Variants in TNPO2 observed in about 807,000 individuals in gnomAD.
TNPO2 encodes transportin-2.
Under a neutral mutation model 111.1 loss-of-function variants are expected in TNPO2, and 16 were observed. That is an observed-to-expected ratio of 0.14 (90% CI 0.10 to 0.22). The LOEUF (loss-of-function observed/expected upper bound fraction) is 0.22, where lower values mean the gene tolerates loss of function less well. TNPO2 is among the 10% of genes least tolerant of loss of function. The pLI is 1.00. For missense variants in TNPO2, 530 were observed against 1,173.7 expected, an observed-to-expected ratio of 0.45 and a Z score of 8.01; for synonymous variants, 481 against 475.8, an observed-to-expected ratio of 1.01 and a Z score of -0.14.
chr19:12,723,497 T>C (rs1400646027), intron 1 of TNPO2, 132 bp from the exon 2 acceptor site: 1 of 152,040 alleles, frequency 6.6e-6, no homozygotes, highest in Non-Finnish European at 1.5e-5. Flanking sequence ...GTCAAATGGG[T>C]ATAAGAGCAG....
chr19:12,702,998 C>A lies in TNPO2; in HGVS notation c.2210-80G>T. On this transcript the variant is annotated intron_variant, in intron 20 of 25. Transcript: ENST00000425528. The surrounding 1 kb of genome is among the most constrained non-coding windows in gnomAD (Gnocchi z 5.5). ...GGGGGCCGCCCCACCTCACTCACTA[C>A]TCGCCCCAGTTCCAACTAGAGACTG... The A allele has an allele frequency of 7.8e-7, 1 of 1,287,706 alleles. No homozygotes were observed. Among genetic ancestry groups the A allele is most frequent in the Non-Finnish European group, 1.1e-6 (1 of 898,632 alleles). The allele number at this position is 1,287,706 out of a possible 1,614,324, so 79.8% of individuals were successfully genotyped here.
intron 12 of TNPO2, 62 bp downstream of exon 12, chr19:12,711,234 A>G (rs1599418879): frequency 4.5e-6 from 7 of 1,571,356 alleles, no homozygotes; most frequent in Non-Finnish European, 6.0e-6. Context: ...GCTTCTAGTC[A>G]CCTCCCAAGA....
At position 12,711,289 on chromosome 19, in the gene TNPO2, C is replaced by T; in HGVS notation, c.1117+7G>A. The T allele has an allele frequency of 1.2e-6, 2 of 1,611,476 alleles. No homozygotes were observed. The highest frequency in any genetic ancestry group is 1.7e-6 in the Non-Finnish European group (2 of 1,178,370). On this transcript the variant is annotated splice_region_variant and intron_variant, in intron 12 of 25. Transcript: ENST00000425528. ...CCCCACCACCACCCCCAGGCAGGGG[C>T]ACACACTCAAATTCCAGTCGGACAG... is the stretch of plus-strand genomic sequence containing the variant.
rs748370173 is a variant in TNPO2 at position 12,720,897 on chromosome 19, A to G, written c.81T>C (p.Thr27=). The change falls in exon 3 of 26, where the codon ACT becomes ACC. Residue 27 remains threonine (T), a synonymous_variant. Coordinates refer to ENST00000425528, the MANE Select transcript of TNPO2 (RefSeq NM_001382241.1). ...AGGATACATCCTGCACGATGCGCTGAGTGGCTGTGTTGGGCGACTGTGAGT... is the reference window on the plus strand; with the variant it reads ...AGGATACATCCTGCACGATGCGCTGGGTGGCTGTGTTGGGCGACTGTGAGT... The part of the protein sequence containing the change: ...LKDSQSPNTA[T]QRIVQDKLKQ... 6.2e-7 allele frequency: 1 copy of G among 1,604,430 alleles called. No homozygotes were observed. Among genetic ancestry groups the G allele is most frequent in the East Asian group, 2.2e-5 (1 of 44,580 alleles).
At position 12,702,487 on chromosome 19, in the gene TNPO2, C is replaced by A; in HGVS notation, c.2306-310G>T. The A allele has an allele frequency of 1.8e-6, 1 of 561,170 alleles. No homozygotes were observed. The highest frequency in any genetic ancestry group is 3.2e-6 in the Non-Finnish European group (1 of 309,670). 34.8% of individuals were successfully genotyped at this position (561,170 alleles called of 1,614,324 possible). A position where few individuals can be genotyped will look rare whatever the true frequency, so the allele number is the denominator to read the frequency against. On this transcript the variant is annotated intron_variant, in intron 21 of 25. Coordinates refer to ENST00000425528, the MANE Select transcript of TNPO2 (RefSeq NM_001382241.1). The surrounding 1 kb of genome is among the most constrained non-coding windows in gnomAD (Gnocchi z 5.5). ...TTGGCTCATTGCAACCTGCCTCAGC[C>A]TCCCGAGTAGCTGGGATTGCAGGCA...
intron 10 of TNPO2, 31 bp downstream of exon 10, chr19:12,714,790 G>A (rs1181337284): frequency 1.3e-6 from 2 of 1,583,748 alleles, no homozygotes; most frequent in African/African-American, 2.7e-5. Context: ...GTCGAAGCTG[G>A]GGTAGGACAG....
In TNPO2 at chr19:12,706,612, C is replaced by T; in HGVS notation, c.1454G>A (p.Arg485His). The change falls in exon 14 of 26, where the codon CGC becomes CAC. Residue 485 changes from arginine to histidine, a missense_variant. Transcript: ENST00000425528. This position sits in a 1 kb window ranked among gnomAD's most constrained non-coding sequence, Gnocchi z 7.0. ...TACCCTCTTGTTGCCATCCAGGATGCGTTTGAGCAGCTCTGTCATCAGGGG... is the reference window on the plus strand; with the variant it reads ...TACCCTCTTGTTGCCATCCAGGATGTGTTTGAGCAGCTCTGTCATCAGGGG... ...LKPLMTELLK[R>H]ILDGNKRVQE... 6.2e-7 allele frequency: 1 copy of T among 1,614,064 alleles called. No homozygotes were observed. Among genetic ancestry groups the T allele is most frequent in the East Asian group, 2.2e-5 (1 of 44,884 alleles).
chr19:12,722,383 A>C (rs2145638965), intron 2 of TNPO2: 2 of 148,122 alleles, frequency 1.4e-5, no homozygotes, highest in East Asian at 2.0e-4. Context: ...CGCGGCCCCG[A>C]CGCCCGGGCC....
chr19:12,721,734 C>T lies in TNPO2; in HGVS notation c.-13-744G>A, dbSNP rs758706969. 1 of 165,904 alleles carries T rather than the reference C, an allele frequency of 6.0e-6. No individual in the cohort carries two copies. Among genetic ancestry groups the T allele is most frequent in the South Asian group, 1.2e-4 (1 of 8,572 alleles). The allele number at this position is 165,904 out of a possible 1,614,324, so 10.3% of individuals were successfully genotyped here. On this transcript the variant is annotated intron_variant, in intron 2 of 25. Transcript: ENST00000425528. This position sits in a 1 kb window ranked among gnomAD's most constrained non-coding sequence, Gnocchi z 4.9. ...CCCGGCCAACCCACTATAGGAGCCC[C>T]CTGGACCGATCCCAGTCGCCTTCCC... is the stretch of plus-strand genomic sequence containing the variant.
intron 1 of TNPO2, 185 bp downstream of exon 1, chr19:12,723,584 C>T (rs1967149104): frequency 6.6e-6 from 1 of 152,206 alleles, no homozygotes; most frequent in South Asian, 2.1e-4. Context: ...GTGGCTTTAC[C>T]CTCCAAGGCT....
rs2026027790 is a variant in TNPO2, at chr19:12,711,281, G to A, written c.1117+15C>T. 1.6e-5 allele frequency: 26 copies of A among 1,609,450 alleles called. No individual in the cohort carries two copies. The highest frequency in any genetic ancestry group is 2.1e-5 in the Non-Finnish European group (25 of 1,177,116). On this transcript the variant is annotated intron_variant, in intron 12 of 25. Transcript: ENST00000425528. ...GCTTGCCACCCCACCACCACCCCCA[G>A]GCAGGGGCACACACTCAAATTCCAG...
Position 12,705,439 on chromosome 19 carries a change from G to A in TNPO2, c.1864-41C>T. 1 of 1,575,272 alleles carries A rather than the reference G, an allele frequency of 6.3e-7. No individual in the cohort carries two copies. Among genetic ancestry groups the A allele is most frequent in the Non-Finnish European group, 8.6e-7 (1 of 1,160,386 alleles). ...GACAGGGGCACGGGTAAGTGGAGCA[G>A]GCCCGAGGCAGGCCAATGCAGAAGC... On this transcript the variant is annotated intron_variant, in intron 17 of 25. Transcript: ENST00000425528. The surrounding 1 kb of genome is among the most constrained non-coding windows in gnomAD (Gnocchi z 7.2).
At chr19:12,709,058 A>G (rs1008059121) in intron 13 of TNPO2, among the ~76,000 whole-genome samples, 9 of 150,486 alleles carry the variant, frequency 6.0e-5, no homozygotes, top group African/African-American at 2.2e-4. Context: ...AAGAAAAAAA[A>G]AAGAGGCCAG....
At chr19:12,703,035 C>G in intron 20 of TNPO2, 117 bp from the exon 21 acceptor site, 1 of 872,688 alleles carries the variant, frequency 1.1e-6, no homozygotes, top group Non-Finnish European at 1.8e-6. Flanking sequence ...CCAACCACTA[C>G]CAGTGAGGAA....
At chr19:12,708,021 C>T (rs2025802198) in intron 13 of TNPO2, among the ~76,000 whole-genome samples, 1 of 152,050 alleles carries the variant, frequency 6.6e-6, no homozygotes, top group Non-Finnish European at 1.5e-5. Context: ...GAAGTTTCAC[C>T]GTGTTAGCCA....
chr19:12,708,953 T>C (rs1400427143), intron 13 of TNPO2, among the ~76,000 whole-genome samples: 1 of 151,222 alleles, frequency 6.6e-6, no homozygotes, highest in Non-Finnish European at 1.5e-5. Context: ...GAGAATTGCT[T>C]GAACCCGGGA....
rs145158004 is a variant in TNPO2, at chr19:12,719,235, C to G, written c.175+26G>C. 1 of 1,613,768 alleles carries G rather than the reference C, an allele frequency of 6.2e-7. No individual in the cohort carries two copies. The highest frequency in any genetic ancestry group is 8.5e-7 in the Non-Finnish European group (1 of 1,179,840). On this transcript the variant is annotated intron_variant, in intron 4 of 25. Coordinates refer to ENST00000425528, the MANE Select transcript of TNPO2 (RefSeq NM_001382241.1). This position sits in a 1 kb window ranked among gnomAD's most constrained non-coding sequence, Gnocchi z 5.0. ...CAGGGGGAGAAAGCAGGGTCCCGAT[C>G]GCATGGAAGGGAGCAGAGGGCGTAC...
Position 12,715,362 on chromosome 19 carries a change from C to CCCACT in TNPO2, c.566+38_567-39dup. 1 of 1,613,866 alleles carries CCCACT rather than the reference C, an allele frequency of 6.2e-7. No individual in the cohort carries two copies. Among genetic ancestry groups the CCCACT allele is most frequent in the Non-Finnish European group, 8.5e-7 (1 of 1,179,858 alleles). On this transcript the variant is annotated intron_variant, in intron 7 of 25. Coordinates refer to ENST00000425528, the MANE Select transcript of TNPO2 (RefSeq NM_001382241.1). This position sits in a 1 kb window ranked among gnomAD's most constrained non-coding sequence, Gnocchi z 7.1. ...AGACACGTGGGTCACCCTGACCCTG[C>CCCACT]CCACTCCAGGCTCCCTGGAAGCCCC...
In TNPO2 at chr19:12,701,758, A is replaced by G. The variant is rs968736248; in HGVS notation, c.2505T>C (p.Val835=). The part of the protein sequence containing the change: ...CMMIGVNPGG[V]VQDFIFFCDA... ...AGAGCCCAGCTGCCCCAACCTGCACAACGCCCCCCGGGTTGACACCGATCA... is the reference window on the plus strand; with the variant it reads ...AGAGCCCAGCTGCCCCAACCTGCACGACGCCCCCCGGGTTGACACCGATCA... The change falls in exon 23 of 26, where the codon GTT becomes GTC. Residue 835 remains valine (V), a synonymous_variant. Coordinates refer to ENST00000425528, the MANE Select transcript of TNPO2 (RefSeq NM_001382241.1). The surrounding 1 kb of genome is among the most constrained non-coding windows in gnomAD (Gnocchi z 5.0). 5 of 1,613,572 alleles carry G rather than the reference A, an allele frequency of 3.1e-6. No individual in the cohort carries two copies. In the African/African-American group the frequency reaches 5.3e-5, roughly 17 times the overall value.
Sources: gnomAD v4.1 joint callset for allele counts (sites outside exome capture counted in the v4.1 genomes callset) on GRCh38, gnomAD v4.1.1 for gene constraint, Gnocchi (gnomAD v3.1) non-coding constraint, MANE v1.5 for transcripts, NCBI Gene and HGNC (gene_info 2026-07-23, HGNC 2026-07-21) for gene names.